The following RBFOX3 variants were observed in gnomAD, a reference collection of about 807,000 sequenced individuals.
The protein encoded by RBFOX3 is RNA binding protein fox-1 homolog 3.
A neutral mutation model predicts 48.7 loss-of-function variants in RBFOX3; 17 were observed. The ratio of observed to expected loss-of-function variants is 0.35; its 90% confidence interval spans 0.24 to 0.52. The LOEUF (loss-of-function observed/expected upper bound fraction) is 0.52. Ranked by LOEUF, RBFOX3 falls within the 20% of genes least tolerant of loss-of-function variation. The probability of loss-of-function intolerance (pLI) is 0.94; values close to 1 mark genes in which losing one functional copy is unlikely to be tolerated. For missense variants in RBFOX3, 382 were observed against 497.5 expected (o/e 0.77, Z 2.21); for synonymous variants, 212 against 209.5 (o/e 1.01, Z -0.10).
intron 3 of RBFOX3, among the ~76,000 whole-genome samples, chr17:79,290,678 G>T (rs1422360169): frequency 6.6e-6 from 1 of 152,168 alleles, no homozygotes; most frequent in Non-Finnish European, 1.5e-5. Flanking sequence ...TATTTAGGAT[G>T]AATGTTTACC....
rs534602973 is a variant in RBFOX3 at position 79,212,121 on chromosome 17, G to T, written c.-34+23645C>A. ...CAGCGCCCAAAGACGGGCCCACCTG[G>T]GCATCTTCGACCATGCCAGGGACAA... is the stretch of plus-strand genomic sequence containing the variant. On this transcript the variant is annotated intron_variant, in intron 4 of 14. Transcript: ENST00000693108. This position sits in a 1 kb window ranked among gnomAD's most constrained non-coding sequence, Gnocchi z 4.7. Among the ~76,000 whole-genome samples the T allele has an allele frequency of 5.6e-4, 86 of 152,310 alleles. No individual in the cohort carries two copies. Among genetic ancestry groups the T allele is most frequent in the Non-Finnish European group, 1.1e-3 (77 of 68,014 alleles).
At chr17:79,236,274 T>A (rs1305900933) in intron 3 of RBFOX3, among the ~76,000 whole-genome samples, 1 of 152,016 alleles carries the variant, frequency 6.6e-6, no homozygotes, top group Non-Finnish European at 1.5e-5. Flanking sequence ...TTGAGTGTGG[T>A]CATGGCATGC....
intron 3 of RBFOX3, among the ~76,000 whole-genome samples, chr17:79,274,048 G>A (rs1178105642): frequency 6.6e-6 from 1 of 152,178 alleles, no homozygotes; most frequent in African/African-American, 2.4e-5. Flanking sequence ...CAGAGCTGCT[G>A]AGCCAGGGCA....
At chr17:79,165,023 G>A (rs1402240521) in intron 4 of RBFOX3, among the ~76,000 whole-genome samples, 1 of 152,178 alleles carries the variant, frequency 6.6e-6, no homozygotes, top group Non-Finnish European at 1.5e-5. Context: ...CTAGAGCCAG[G>A]AGGAAGGAGC....
intron 2 of RBFOX3, among the ~76,000 whole-genome samples, chr17:79,379,414 CGTTTT>C (rs2059614053): frequency 1.3e-5 from 2 of 152,124 alleles, no homozygotes; most frequent in Admixed American, 6.5e-5. Flanking sequence ...ACCCCGTTTT[CGTTTT>C]GTTTTAAGGT....
At chr17:79,142,974 C>T (rs1026970941) in intron 4 of RBFOX3, among the ~76,000 whole-genome samples, 2 of 152,058 alleles carry the variant, frequency 1.3e-5, no homozygotes, top group Non-Finnish European at 2.9e-5. Flanking sequence ...GACTAGAAGA[C>T]GAAGAGGGAG....
intron 4 of RBFOX3, among the ~76,000 whole-genome samples, chr17:79,232,356 A>G (rs911955144): frequency 6.6e-6 from 1 of 152,244 alleles, no homozygotes; most frequent in Non-Finnish European, 1.5e-5. Flanking sequence ...AAGAACAGGA[A>G]GATTACCTGG....
At chr17:79,094,365 G>T in intron 14 of RBFOX3, 86 bp downstream of exon 14, 1 of 965,750 alleles carries the variant, frequency 1.0e-6, no homozygotes, top group South Asian at 1.8e-5. Context: ...TTGGTCAGAG[G>T]GCTCGGCCTC....
rs1191286692 is a variant in RBFOX3 at position 79,255,725 on chromosome 17, CG to C, written c.-73-19921del. ...CTCCCAGTCCAGCTGATCACCATCC[CG>C]GGGGCACCTGCAGCTCAGGGGCAGC... On this transcript the variant is annotated intron_variant, in intron 3 of 14. Coordinates refer to ENST00000693108, the MANE Select transcript of RBFOX3 (RefSeq NM_001350451.2). 4.6e-5 allele frequency among the ~76,000 whole-genome samples: 7 copies of C among 151,934 alleles called. No individual in the cohort carries two copies. In the East Asian group the frequency reaches 1.4e-3, roughly 30 times the overall value.
chr17:79,458,472 CGT>C (rs2149237749), intron 2 of RBFOX3, among the ~76,000 whole-genome samples: 1 of 101,598 alleles, frequency 9.8e-6, no homozygotes, highest in East Asian at 3.0e-4. Flanking sequence ...CCTGTGTGTG[CGT>C]GTGCGTGAGA....
the RBFOX3 span, among the ~76,000 whole-genome samples, chr17:79,646,151 C>T: frequency 6.6e-6 from 1 of 152,152 alleles, no homozygotes; most frequent in Non-Finnish European, 1.5e-5. Flanking sequence ...ATCTGTCATG[C>T]ATGTGCCCAA....
chr17:79,415,831 G>C (rs979839557), intron 2 of RBFOX3, among the ~76,000 whole-genome samples: 1 of 152,084 alleles, frequency 6.6e-6, no homozygotes, highest in Non-Finnish European at 1.5e-5. Context: ...GCATGTGCTG[G>C]GGCTGTGGAG....
At chr17:79,382,459 C>T (rs1316296295) in intron 2 of RBFOX3, among the ~76,000 whole-genome samples, 2 of 152,318 alleles carry the variant, frequency 1.3e-5, no homozygotes, top group Non-Finnish European at 1.5e-5. Flanking sequence ...TTGGGCGGCA[C>T]GTGGTTACTC....
chr17:79,095,658 C>G, intron 12 of RBFOX3, 84 bp from the exon 13 acceptor site: 3 of 1,267,870 alleles, frequency 2.4e-6, no homozygotes, highest in Non-Finnish European at 3.3e-6. Context: ...GGAGACAGAC[C>G]CTGTGCGGGT....
chr17:79,226,989 G>C (rs1237931536), intron 4 of RBFOX3, among the ~76,000 whole-genome samples: 1 of 152,178 alleles, frequency 6.6e-6, no homozygotes, highest in Non-Finnish European at 1.5e-5. Flanking sequence ...TCTCACTCTG[G>C]CCTGCGCGGA....
intron 1 of RBFOX3, among the ~76,000 whole-genome samples, chr17:79,491,441 A>G (rs1475973137): frequency 6.6e-6 from 1 of 151,890 alleles, no homozygotes; most frequent in Admixed American, 6.6e-5. Context: ...TGGGCTGGGT[A>G]GAGGGGAAAA....
chr17:79,106,560 C>G (rs1396809765), intron 6 of RBFOX3, 91 bp downstream of exon 6: 2 of 1,366,086 alleles, frequency 1.5e-6, no homozygotes, highest in East Asian at 3.0e-5. Flanking sequence ...CCCGGGGGAA[C>G]AGGTGTCGGC....
chr17:79,201,091 TAAC>T (rs1299294542), intron 4 of RBFOX3, among the ~76,000 whole-genome samples: 3 of 148,286 alleles, frequency 2.0e-5, no homozygotes, highest in Non-Finnish European at 3.0e-5. Context: ...CATCACTTCT[TAAC>T]AACAACAACG....
Position 79,212,949 on chromosome 17 carries a change from G to A in RBFOX3, c.-34+22817C>T, listed in dbSNP as rs2058568808. Among the ~76,000 whole-genome samples the A allele has an allele frequency of 6.6e-6, 1 of 151,800 alleles. No homozygotes were observed. The highest frequency in any genetic ancestry group is 1.5e-5 in the Non-Finnish European group (1 of 67,966). ...AGATCACTGCAACCTCCGTCTCCCA[G>A]GTTCAAGAGATTCTCCTGCCTCAGC... On this transcript the variant is annotated intron_variant, in intron 4 of 14. Coordinates refer to ENST00000693108, the MANE Select transcript of RBFOX3 (RefSeq NM_001350451.2). The surrounding 1 kb of genome is among the most constrained non-coding windows in gnomAD (Gnocchi z 4.7).
Sources: allele counts gnomAD v4.1 joint callset (sites outside exome capture counted in the v4.1 genomes callset), GRCh38; gene constraint gnomAD v4.1.1; non-coding constraint Gnocchi (gnomAD v3.1); transcripts MANE v1.5; gene names NCBI Gene and HGNC (gene_info 2026-07-23, HGNC 2026-07-21).